The following ABCD3 variants were observed in gnomAD, a reference collection of about 807,000 sequenced individuals.
ABCD3 encodes ATP binding cassette subfamily D member 3.
In ABCD3, 41 loss-of-function variants were observed where a neutral mutation model predicts 105.5. The observed-to-expected ratio is 0.39, with a 90% CI of 0.30 to 0.50. The LOEUF is 0.50. Among genes scored for constraint, ABCD3 ranks in the 20% least tolerant of loss-of-function variants. The pLI, the probability that ABCD3 is intolerant of heterozygous loss-of-function variation, is 0.84. For synonymous variants in ABCD3, 258 were observed against 269.0 expected, an observed-to-expected ratio of 0.96 and a Z score of 0.40; for missense variants, 622 against 806.3, an observed-to-expected ratio of 0.77 and a Z score of 2.77.
Position 94,487,735 on chromosome 1 carries a change from T to G in ABCD3, c.1009T>G (p.Phe337Val). 6.2e-7 allele frequency: 1 copy of G among 1,614,086 alleles called. No homozygotes were observed. The highest frequency in any genetic ancestry group is 8.5e-7 in the Non-Finnish European group (1 of 1,179,964). The stretch of plus-strand genomic sequence containing the variant: ...TGGTTACCTAGTTGTCAGTCGCCCT[T>G]TCTTAGATTTGTCTCATCCTCGACA... ...VVGYLVVSRPFLDLSHPRHLK... is the reference protein window; with the variant it reads ...VVGYLVVSRPVLDLSHPRHLK... The change falls in exon 12 of 23, where the codon TTC becomes GTC. Residue 337 changes from phenylalanine (F) to valine (V), a missense_variant. Phe to Val is a conservative substitution (Grantham distance 50). Coordinates refer to ENST00000370214, the MANE Select transcript of ABCD3 (RefSeq NM_002858.4).
the ABCD3 span, among the ~76,000 whole-genome samples, chr1:94,409,878 A>G: frequency 1.2e-4 from 18 of 152,322 alleles, no homozygotes; most frequent in South Asian, 3.3e-3. Flanking sequence ...AAAGTATCCA[A>G]TCATAGCTGG....
intron 3 of ABCD3, among the ~76,000 whole-genome samples, chr1:94,466,620 A>C (rs542131573): frequency 2.0e-5 from 3 of 152,324 alleles, no homozygotes; most frequent in African/African-American, 7.2e-5. Flanking sequence ...TGTTTTTAAA[A>C]ATTGCTTAAT....
At chr1:94,392,255 G>C in the ABCD3 span, among the ~76,000 whole-genome samples, 1 of 152,326 alleles carries the variant, frequency 6.6e-6, no homozygotes, top group Middle Eastern at 3.4e-3. Context: ...CCCAGTGGAA[G>C]CCTTTAAAAG....
chr1:94,456,441 A>AT lies in ABCD3; in HGVS notation c.111-2155dup, dbSNP rs1203656522. 7.1e-4 allele frequency among the ~76,000 whole-genome samples: 101 copies of AT among 142,514 alleles called. 1 individual carries two copies. The highest frequency in any genetic ancestry group is 3.6e-3 in the Middle Eastern group (1 of 274). 93.5% of individuals were successfully genotyped at this position (142,514 alleles called of 152,430 possible). The stretch of plus-strand genomic sequence containing the variant: ...CAGGTGCATGCCTCCACACTGGACT[A>AT]TTTTTTTTTTTATTTTAGTAGAGAC... On this transcript the variant is annotated intron_variant, in intron 1 of 22. Coordinates refer to ENST00000370214, the MANE Select transcript of ABCD3 (RefSeq NM_002858.4).
intron 1 of ABCD3, among the ~76,000 whole-genome samples, chr1:94,430,428 G>A (rs1659627568): frequency 6.6e-6 from 1 of 152,162 alleles, no homozygotes; most frequent in African/African-American, 2.4e-5. Context: ...ATCTCATCTT[G>A]AATTCCCAGT....
chr1:94,483,283 T>G (rs1649113731), intron 10 of ABCD3, 44 bp downstream of exon 10: 1 of 1,512,218 alleles, frequency 6.6e-7, no homozygotes, highest in African/African-American at 1.4e-5. Flanking sequence ...GGAAAGGGTT[T>G]TTTTTGTTTG....
At chr1:94,464,142 A>G (rs1019604020) in intron 2 of ABCD3, among the ~76,000 whole-genome samples, 17 of 151,456 alleles carry the variant, frequency 1.1e-4, no homozygotes, top group Non-Finnish European at 2.2e-4. Context: ...TTATTGGTTT[A>G]TTTTTTGTCT....
At chr1:94,497,792 AC>A (rs2101039495) in intron 16 of ABCD3, among the ~76,000 whole-genome samples, 1 of 152,304 alleles carries the variant, frequency 6.6e-6, no homozygotes, top group South Asian at 2.1e-4. Context: ...TAAATATTTA[AC>A]CAAAGGGGAG....
chr1:94,477,119 A>C (rs1221586223), intron 7 of ABCD3, among the ~76,000 whole-genome samples: 2 of 150,582 alleles, frequency 1.3e-5, no homozygotes, highest in Non-Finnish European at 2.9e-5. Flanking sequence ...TAGATGTTTT[A>C]AACATCTAAT....
At chr1:94,491,339 T>C in intron 16 of ABCD3, 92 bp downstream of exon 16, 1 of 925,836 alleles carries the variant, frequency 1.1e-6, no homozygotes, top group Non-Finnish European at 1.7e-6. Flanking sequence ...ACTTTAAGGC[T>C]CGACTTAGTC....
At chr1:94,414,891 C>T (rs1052763358), upstream of ABCD3, among the ~76,000 whole-genome samples, 4 of 152,282 alleles carry the variant, frequency 2.6e-5, no homozygotes, top group African/African-American at 7.2e-5. Context: ...ACAGTTTCTA[C>T]GAGTCAGGAA....
intron 8 of ABCD3, among the ~76,000 whole-genome samples, chr1:94,479,585 G>C (rs1648939360): frequency 6.6e-6 from 1 of 152,086 alleles, no homozygotes; most frequent in Non-Finnish European, 1.5e-5. Flanking sequence ...GCATGATAAA[G>C]TTTAGTAATA....
chr1:94,401,672 A>G, the ABCD3 span, among the ~76,000 whole-genome samples: 2 of 152,196 alleles, frequency 1.3e-5, no homozygotes, highest in African/African-American at 4.8e-5. Context: ...TTACAAGTAA[A>G]TGGTCTTAAT....
chr1:94,462,964 T>C (rs931809159), intron 2 of ABCD3, among the ~76,000 whole-genome samples: 4 of 152,198 alleles, frequency 2.6e-5, no homozygotes, highest in African/African-American at 7.2e-5. Context: ...ACAAACAGAT[T>C]AGGTTGAATG....
chr1:94,495,856 T>G (rs1227006110), intron 16 of ABCD3, among the ~76,000 whole-genome samples: 2 of 152,118 alleles, frequency 1.3e-5, no homozygotes, highest in African/African-American at 2.4e-5. Context: ...TACAGTAGAG[T>G]ATGATTATTT....
intron 1 of ABCD3, among the ~76,000 whole-genome samples, chr1:94,453,147 C>T (rs1018076211): frequency 3.3e-5 from 5 of 152,030 alleles, no homozygotes; most frequent in African/African-American, 1.2e-4. Context: ...ACAGTTAAAG[C>T]ATTGGAATTA....
Position 94,473,694 on chromosome 1 carries a change from C to T in ABCD3, c.336-72C>T. ...GAAGTTTCCAAGAGTAATTTTAGAG[C>T]TTTACAGAAGTTTTCCTAGTGTTAG... On this transcript the variant is annotated intron_variant, in intron 4 of 22. Transcript: ENST00000370214. The T allele has an allele frequency of 2.6e-6, 3 of 1,169,238 alleles. No individual in the cohort carries two copies. In the South Asian group the frequency reaches 3.7e-5, roughly 14 times the overall value. The allele number at this position is 1,169,238 out of a possible 1,614,324, so 72.4% of individuals were successfully genotyped here.
At chr1:94,498,743 A>C (rs1649956566) in intron 17 of ABCD3, 40 bp from the exon 18 acceptor site, 10 of 1,613,394 alleles carry the variant, frequency 6.2e-6, no homozygotes, top group Non-Finnish European at 8.5e-6. Context: ...CCACTTTGTA[A>C]ATTTTACAAT....
chr1:94,465,383 G>T (rs895207523), intron 3 of ABCD3, among the ~76,000 whole-genome samples: 1 of 152,134 alleles, frequency 6.6e-6, no homozygotes, highest in Non-Finnish European at 1.5e-5. Context: ...TTCTCTGTAG[G>T]TCAAGAAGAT....
Sources: allele counts gnomAD v4.1 joint callset (sites outside exome capture counted in the v4.1 genomes callset), GRCh38; gene constraint gnomAD v4.1.1; transcripts MANE v1.5; gene names NCBI Gene and HGNC (gene_info 2026-07-23, HGNC 2026-07-21).